The following INTS1 variants were observed in gnomAD, a reference collection of about 807,000 sequenced individuals.
The protein encoded by INTS1 is integrator complex subunit 1.
Under a neutral mutation model 241.6 loss-of-function variants are expected in INTS1, and 137 were observed. That is an observed-to-expected ratio of 0.57 (90% CI 0.49 to 0.65). The LOEUF (loss-of-function observed/expected upper bound fraction) is 0.65. INTS1 is among the 30% of genes least tolerant of loss of function. The pLI, the probability that INTS1 is intolerant of heterozygous loss-of-function variation, is 0.00. For synonymous variants in INTS1, 1,692 were observed against 1,337.8 expected (o/e 1.26, Z -5.78); for missense variants, 3,073 against 3,032.2 (o/e 1.01, Z -0.32).
At chr7:1,496,107 G>A (rs1047093280) in intron 12 of INTS1, 49 bp downstream of exon 12, 2 of 1,474,510 alleles carry the variant, frequency 1.4e-6, no homozygotes, top group Non-Finnish European at 1.9e-6. Context: ...CCACCAGCCT[G>A]GACCCGAGAC....
Position 1,480,275 on chromosome 7 carries a change from G to A in INTS1, c.4074+42C>T, listed in dbSNP as rs775544374. Reference sequence around the variant, plus strand: ...CGGCAGCGAAGGCTGCACGCAGGAAGAGGGGCTGCAGGTGGAGACCCACAT... The same window carrying A: ...CGGCAGCGAAGGCTGCACGCAGGAAAAGGGGCTGCAGGTGGAGACCCACAT... On this transcript the variant is annotated intron_variant, in intron 30 of 47. Transcript: ENST00000404767. The A allele has an allele frequency of 3.8e-6, 6 of 1,569,530 alleles. No individual in the cohort carries two copies. The Admixed American group carries it at 7.2e-5, about 19-fold the overall frequency.
rs755331773 is a variant in INTS1 at position 1,489,671 on chromosome 7, G to A, written c.2177C>T (p.Pro726Leu). 1.9e-6 allele frequency: 3 copies of A among 1,555,838 alleles called. No homozygotes were observed. Among genetic ancestry groups the A allele is most frequent in the East Asian group, 4.7e-5 (2 of 42,974 alleles). Residue 726 changes from proline (P) to leucine (L), a missense_variant, in exon 17 of 48, where the codon CCG becomes CTG. By Grantham distance (98) the Pro-to-Leu change is moderately conservative (BLOSUM62 -3). Transcript: ENST00000404767. ...NIQLPPGYQP[P>L]NLAISTLYWK... is the part of the protein sequence containing the mutation. ...GTAGAGGGTAGAGATGGCGAGGTTC[G>A]GAGGCTGGTACCTGGAAGGCAGGGG... is the stretch of plus-strand genomic sequence containing the variant.
intron 26 of INTS1, chr7:1,483,320 C>T: frequency 3.1e-6 from 1 of 322,850 alleles, no homozygotes; most frequent in Non-Finnish European, 6.1e-6. Context: ...CTGCGCTGGC[C>T]AGAGCGTCCT....
At chr7:1,502,794 A>G in intron 3 of INTS1, 107 bp downstream of exon 3, 1 of 1,220,932 alleles carries the variant, frequency 8.2e-7, no homozygotes, top group Non-Finnish European at 1.2e-6. Context: ...CTCCCAAAGG[A>G]CCTCGGCCAT....
chr7:1,474,968 A>C, intron 39 of INTS1, 130 bp from the exon 40 acceptor site: 1 of 1,249,974 alleles, frequency 8.0e-7, no homozygotes, highest in South Asian at 1.5e-5. Context: ...CTGGCTCCTT[A>C]CGGCTTCCAT....
At position 1,497,193 on chromosome 7, in the gene INTS1, C is replaced by G. The variant is rs201867583; in HGVS notation, c.1547G>C (p.Cys516Ser). The part of the protein sequence containing the change: ...TKHEINFQAF[C>S]LGLMQERKEP... ...CTTGCGCTCCTGCATGAGCCCCAGG[C>G]AGAAGGCCTGGAAGTTGATCTCGTG... Residue 516 changes from cysteine to serine, a missense_variant, in exon 11 of 48, where the codon TGC (cysteine) becomes TCC (serine). Cys to Ser is a moderately radical substitution (Grantham distance 112, BLOSUM62 -1). Transcript: ENST00000404767. This position sits in a 1 kb window ranked among gnomAD's most constrained non-coding sequence, Gnocchi z 5.3. 1.6e-4 allele frequency: 255 copies of G among 1,612,134 alleles called. No homozygotes were observed. Among genetic ancestry groups the G allele is most frequent in the Non-Finnish European group, 2.1e-4 (243 of 1,179,402 alleles).
rs771681434 is a variant in INTS1, at chr7:1,502,971, A to C, written c.279T>G (p.Ala93=). The change falls in exon 3 of 48, where the codon GCT becomes GCG. Residue 93 remains alanine (A), a synonymous_variant. Transcript: ENST00000404767. ...CTCGTTTTTCTGCCACTGCAGCCTC[A>C]GCCAGGCGCCCCAGGGCACTCAGAG... ...TPPLSALGRL[A]EAAVAEKRAI... 9 of 1,613,748 alleles carry C rather than the reference A, an allele frequency of 5.6e-6. No homozygotes were observed. Among genetic ancestry groups the C allele is most frequent in the Non-Finnish European group, 7.6e-6 (9 of 1,179,862 alleles).
chr7:1,493,914 GC>G lies in INTS1; in HGVS notation c.1911-4del, dbSNP rs749524538. The stretch of plus-strand genomic sequence containing the variant: ...CGGAGCACAGACGCAGGAAGAAGCT[GC>G]GGGGTGGGGGAGGCATGACTCGGTG... On this transcript the variant is annotated splice_polypyrimidine_tract_variant and splice_region_variant and intron_variant, in intron 14 of 47. Coordinates refer to ENST00000404767, the MANE Select transcript of INTS1 (RefSeq NM_001080453.3). The surrounding 1 kb of genome is among the most constrained non-coding windows in gnomAD (Gnocchi z 5.3). 1.3e-6 allele frequency: 2 copies of G among 1,557,640 alleles called. No homozygotes were observed. The highest frequency in any genetic ancestry group is 1.7e-6 in the Non-Finnish European group (2 of 1,150,936).
Position 1,476,300 on chromosome 7 carries a change from G to A in INTS1, c.5307C>T (p.Cys1769=). 1 of 1,587,498 alleles carries A rather than the reference G, an allele frequency of 6.3e-7. No homozygotes were observed. The highest frequency in any genetic ancestry group is 8.6e-7 in the Non-Finnish European group (1 of 1,168,642). ...TCCTGACACTCTCATCGTCCCCACA[G>A]CAGCAGCTGAGCAGCAGGGGCAGCC... ...QARLPLLLSC[C]CGDDESVRKV... is the part of the protein sequence containing the mutation. Residue 1769 remains cysteine (C), a synonymous_variant, in exon 38 of 48, where the codon TGC becomes TGT. Transcript: ENST00000404767.
chr7:1,490,245 G>A (rs575599605), intron 16 of INTS1, among the ~76,000 whole-genome samples: 1 of 152,316 alleles, frequency 6.6e-6, no homozygotes, highest in African/African-American at 2.4e-5. Context: ...AGTGCAGTGC[G>A]GGATTCCGAA....
intron 21 of INTS1, 52 bp downstream of exon 21, chr7:1,486,870 G>A: frequency 6.5e-7 from 1 of 1,532,554 alleles, no homozygotes; most frequent in Non-Finnish European, 8.8e-7. Context: ...GGGTTGCCCT[G>A]ACAGGGGTGC....
Position 1,487,419 on chromosome 7 carries a change from G to A in INTS1, c.2547C>T (p.Ile849=). The A allele has an allele frequency of 1.2e-6, 2 of 1,612,126 alleles. No homozygotes were observed. The highest frequency in any genetic ancestry group is 8.5e-7 in the Non-Finnish European group (1 of 1,179,526). The change falls in exon 20 of 48, where the codon ATC becomes ATT. Residue 849 remains isoleucine, a synonymous_variant. Coordinates refer to ENST00000404767, the MANE Select transcript of INTS1 (RefSeq NM_001080453.3). ...GGTTGAGGCTTTTCACTTGATCCAGGATGTGAGGGGGAGGCCTCCGGGGGG... is the reference window on the plus strand; with the variant it reads ...GGTTGAGGCTTTTCACTTGATCCAGAATGTGAGGGGGAGGCCTCCGGGGGG... ...QGPPRRPPPH[I]LDQVKSLNQS...
chr7:1,503,257 T>C (rs1783284907), intron 2 of INTS1, 66 bp from the exon 3 acceptor site: 2 of 1,448,562 alleles, frequency 1.4e-6, no homozygotes, highest in Admixed American at 2.3e-5. Context: ...AGACTGACTC[T>C]AACCTCCTGT....
chr7:1,480,754 C>T (rs372588733), intron 29 of INTS1, 81 bp downstream of exon 29: 1 of 1,176,108 alleles, frequency 8.5e-7, no homozygotes, highest in Non-Finnish European at 1.2e-6. Context: ...GGCCCCGTCC[C>T]CCTCCCCAGG....
chr7:1,488,465 G>A (rs1007432515), intron 18 of INTS1, among the ~76,000 whole-genome samples: 7 of 152,100 alleles, frequency 4.6e-5, no homozygotes, highest in African/African-American at 1.7e-4. Flanking sequence ...CTCCTTCAGA[G>A]GTGGGGGGAA....
rs746230370 is a variant in INTS1, at chr7:1,482,585, G to A, written c.3664C>T (p.Arg1222Cys). The A allele has an allele frequency of 8.7e-6, 14 of 1,612,792 alleles. 1 individual carries two copies. Among genetic ancestry groups the A allele is most frequent in the Admixed American group, 6.7e-5 (4 of 60,028 alleles). The change falls in exon 27 of 48, where the codon CGC (arginine) becomes TGC (cysteine). Residue 1222 changes from arginine to cysteine, a missense_variant. By Grantham distance (180) the Arg-to-Cys change is radical. Transcript: ENST00000404767. ...CGGAGCACCTCAGAACGGATCATGC[G>A]CAGCTTCAGCCAGTCAGGAAGCAGC... The part of the protein sequence containing the change: ...ALLLPDWLKL[R>C]MIRSEVLRLV...
rs1781794731 is a variant in INTS1, at chr7:1,477,818, C to T, written c.4749G>A (p.Val1583=). 6.2e-7 allele frequency: 1 copy of T among 1,612,576 alleles called. No individual in the cohort carries two copies. The highest frequency in any genetic ancestry group is 1.7e-5 in the Admixed American group (1 of 60,010). Reference sequence around the variant, plus strand: ...CCTCCTCCTGCAGCAGCAGGGAGCTCACCACCACAACGGGCTTACAGGCTG... The same window carrying T: ...CCTCCTCCTGCAGCAGCAGGGAGCTTACCACCACAACGGGCTTACAGGCTG... ...PFPACKPVVV[V]SSLLLQEEEP... The change falls in exon 34 of 48, where the codon GTG becomes GTA. Residue 1583 remains valine (V), a synonymous_variant. Coordinates refer to ENST00000404767, the MANE Select transcript of INTS1 (RefSeq NM_001080453.3).
rs753812650 is a variant in INTS1 at position 1,474,195 on chromosome 7, G to A, written c.5802C>T (p.Cys1934=). 6.3e-7 allele frequency: 1 copy of A among 1,586,014 alleles called. No homozygotes were observed. Among genetic ancestry groups the A allele is most frequent in the Non-Finnish European group, 8.6e-7 (1 of 1,168,780 alleles). Residue 1934 remains cysteine (C), a synonymous_variant, in exon 41 of 48, where the codon TGC becomes TGT. Transcript: ENST00000404767. ...RSEHQGALWD[C]LLSFIRLLLN... is the part of the protein sequence containing the mutation. The stretch of plus-strand genomic sequence containing the variant: ...GCAGCAGGCGGATGAAGGACAGAAG[G>A]CAGTCCCACAGCGCCCCCTGGTGCT...
Position 1,475,544 on chromosome 7 carries a change from C to T in INTS1, c.5502+404G>A, listed in dbSNP as rs373302038. 1.3e-4 allele frequency among the ~76,000 whole-genome samples: 20 copies of T among 152,228 alleles called. No individual in the cohort carries two copies. In the South Asian group the frequency reaches 1.7e-3, roughly 13 times the overall value. On this transcript the variant is annotated intron_variant, in intron 39 of 47. Transcript: ENST00000404767. ...CCGGCCTGCGGTGGGGAAGCGGGTA[C>T]GGGAGGCCCAGCTCTCCCCACCAGG...
Sources: gnomAD v4.1 joint callset for allele counts (sites outside exome capture counted in the v4.1 genomes callset) on GRCh38, gnomAD v4.1.1 for gene constraint, Gnocchi (gnomAD v3.1) non-coding constraint, MANE v1.5 for transcripts, NCBI Gene and HGNC (gene_info 2026-07-23, HGNC 2026-07-21) for gene names.